Variants in CPQ observed in about 807,000 individuals in gnomAD.
CPQ encodes Ser-Met dipeptidase.
In CPQ, 37 loss-of-function variants were observed where a neutral mutation model predicts 45.7. The ratio of observed to expected loss-of-function variants is 0.81; its 90% CI spans 0.62 to 1.07. CPQ has a LOEUF of 1.07. Among genes scored for constraint, CPQ ranks in the 50% least tolerant of loss-of-function variants. The pLI is 0.00. For missense variants in CPQ, 537 were observed against 572.9 expected (o/e 0.94, Z 0.64); for synonymous variants, 186 against 205.8 (o/e 0.90, Z 0.82).
intron 5 of CPQ, among the ~76,000 whole-genome samples, chr8:97,010,578 C>CT (rs973215672): frequency 6.6e-6 from 1 of 152,198 alleles, no homozygotes; most frequent in African/African-American, 2.4e-5. Context: ...GCCTCACTGC[C>CT]TCACCAGCTG....
At chr8:96,784,206 G>A (rs1264327715) in intron 1 of CPQ, among the ~76,000 whole-genome samples, 1 of 152,032 alleles carries the variant, frequency 6.6e-6, no homozygotes, top group African/African-American at 2.4e-5. Context: ...TGTAGGTGGT[G>A]GATATCAAAC....
intron 3 of CPQ, among the ~76,000 whole-genome samples, chr8:96,869,399 T>C (rs1812036265): frequency 6.6e-6 from 1 of 152,050 alleles, no homozygotes; most frequent in African/African-American, 2.4e-5. Flanking sequence ...TGAGTTTGAG[T>C]GGATTTGTTA....
chr8:97,046,180 A>G (rs1586513027), intron 6 of CPQ, among the ~76,000 whole-genome samples: 2 of 151,932 alleles, frequency 1.3e-5, no homozygotes, highest in South Asian at 2.1e-4. Context: ...ATTGGGTCAC[A>G]TCTGTATTTT....
chr8:96,858,159 T>C lies in CPQ; in HGVS notation c.642-21639T>C, dbSNP rs371469652. On this transcript the variant is annotated intron_variant, in intron 3 of 7. Transcript: ENST00000220763. ...ATGAAGACTGTGTCTTAAGGGAGAA[T>C]GTACTAAGGGAAATATGAAGTCTGG... 7.2e-5 allele frequency among the ~76,000 whole-genome samples: 11 copies of C among 152,196 alleles called. No homozygotes were observed. In the East Asian group the frequency reaches 1.7e-3, roughly 24 times the overall value.
chr8:96,684,265 C>T (rs1809193987), intron 1 of CPQ, among the ~76,000 whole-genome samples: 1 of 152,144 alleles, frequency 6.6e-6, no homozygotes, highest in Admixed American at 6.5e-5. Context: ...TCTGGTTGGG[C>T]ACGGTAGTAT....
At chr8:96,889,633 C>G (rs1812347779) in intron 4 of CPQ, among the ~76,000 whole-genome samples, 1 of 152,082 alleles carries the variant, frequency 6.6e-6, no homozygotes, top group African/African-American at 2.4e-5. Flanking sequence ...ATCCCGAGTC[C>G]CAAAACCTCA....
At chr8:97,007,841 C>G (rs1185995731) in intron 5 of CPQ, among the ~76,000 whole-genome samples, 1 of 152,176 alleles carries the variant, frequency 6.6e-6, no homozygotes, top group Non-Finnish European at 1.5e-5. Flanking sequence ...AAGTGGGCTG[C>G]AGAACACTGG....
intron 5 of CPQ, among the ~76,000 whole-genome samples, chr8:96,986,294 T>G: frequency 6.6e-6 from 1 of 152,216 alleles, no homozygotes; most frequent in East Asian, 1.9e-4. Context: ...AATTTTCATA[T>G]CGGATTAGAA....
At chr8:96,716,220 G>A (rs1208970882) in intron 1 of CPQ, among the ~76,000 whole-genome samples, 1 of 152,202 alleles carries the variant, frequency 6.6e-6, no homozygotes, top group African/African-American at 2.4e-5. Context: ...CTTCTAGTAG[G>A]TGGTGGCACT....
At chr8:97,017,474 C>CTACT (rs1809601123) in intron 5 of CPQ, among the ~76,000 whole-genome samples, 1 of 152,158 alleles carries the variant, frequency 6.6e-6, no homozygotes, top group South Asian at 2.1e-4. Context: ...AAGGAAAGCC[C>CTACT]TACTTACTTT....
At chr8:96,721,705 GGA>G (rs1809766348) in intron 1 of CPQ, among the ~76,000 whole-genome samples, 3 of 151,986 alleles carry the variant, frequency 2.0e-5, no homozygotes, top group African/African-American at 7.3e-5. Flanking sequence ...TTTATCCTTA[GGA>G]TAAAGTTCAG....
rs1812199955 is a variant in CPQ at position 97,143,356 on chromosome 8, A to C, written c.*173A>C. 1.6e-6 allele frequency: 1 copy of C among 625,652 alleles called. No homozygotes were observed. 38.8% of individuals were successfully genotyped at this position (625,652 alleles called of 1,614,324 possible). A position where few individuals can be genotyped will look rare whatever the true frequency, so the allele number is the denominator to read the frequency against. On this transcript the variant is annotated 3_prime_UTR_variant, in exon 8 of 8. Coordinates refer to ENST00000220763, the MANE Select transcript of CPQ (RefSeq NM_016134.4). ...ACTTTCCAAATTCTCTGATTCTAGA[A>C]AAAGGAATCATTCTCCCCTCCCTCC...
intron 1 of CPQ, among the ~76,000 whole-genome samples, chr8:96,688,233 C>A (rs1809259621): frequency 6.6e-6 from 1 of 152,066 alleles, no homozygotes; most frequent in Non-Finnish European, 1.5e-5. Context: ...TGCATTAAAA[C>A]CCATCTGATA....
At chr8:96,700,862 C>G (rs1586364610) in intron 1 of CPQ, among the ~76,000 whole-genome samples, 1 of 152,166 alleles carries the variant, frequency 6.6e-6, no homozygotes, top group Non-Finnish European at 1.5e-5. Flanking sequence ...TGAAGCTTGG[C>G]TGGCCCCAGG....
chr8:97,100,853 T>A (rs1811291434), intron 7 of CPQ, among the ~76,000 whole-genome samples: 1 of 152,192 alleles, frequency 6.6e-6, no homozygotes, highest in Non-Finnish European at 1.5e-5. Flanking sequence ...ATCTAGTGAT[T>A]GATTGTTTAT....
At chr8:96,998,779 A>T (rs141711852) in intron 5 of CPQ, among the ~76,000 whole-genome samples, 5 of 152,068 alleles carry the variant, frequency 3.3e-5, no homozygotes, top group Admixed American at 6.6e-5. Context: ...ATGTTGATTT[A>T]GTTATTTGCC....
chr8:96,715,428 C>T (rs1007206867), intron 1 of CPQ, among the ~76,000 whole-genome samples: 5 of 152,174 alleles, frequency 3.3e-5, no homozygotes, highest in African/African-American at 1.2e-4. Context: ...GATTGTGACT[C>T]TACTCCTTGT....
intron 7 of CPQ, among the ~76,000 whole-genome samples, chr8:97,095,652 C>T (rs76542277): frequency 8.5e-4 from 130 of 152,330 alleles, no homozygotes; most frequent in Middle Eastern, 3.4e-3. Context: ...CCATAGCATC[C>T]TGCTGGAAAT....
intron 4 of CPQ, among the ~76,000 whole-genome samples, chr8:96,888,278 G>A (rs1224285254): frequency 6.6e-6 from 1 of 152,164 alleles, no homozygotes; most frequent in Non-Finnish European, 1.5e-5. Flanking sequence ...GACTAGATGG[G>A]TGTTGTGAGG....
Sources: gnomAD v4.1 joint callset for allele counts (sites outside exome capture counted in the v4.1 genomes callset) on GRCh38, gnomAD v4.1.1 for gene constraint, MANE v1.5 for transcripts, NCBI Gene and HGNC (gene_info 2026-07-23, HGNC 2026-07-21) for gene names.